MYT1L: variants seen among roughly 807,000 people sequenced by gnomAD.
The protein encoded by MYT1L is myelin transcription factor 1-like protein.
MYT1L carries 12 observed loss-of-function variants against 126.7 expected under a neutral mutation model. The ratio of observed to expected loss-of-function variants is 0.09; its 90% CI spans 0.06 to 0.15. The LOEUF (loss-of-function observed/expected upper bound fraction) is 0.15. Among genes scored for constraint, MYT1L ranks in the 10% least tolerant of loss-of-function variants. MYT1L has a pLI of 1.00. For missense variants in MYT1L, 979 were observed against 1,585.2 expected, an observed-to-expected ratio of 0.62 and a Z score of 6.49; for synonymous variants, 541 against 604.2, an observed-to-expected ratio of 0.90 and a Z score of 1.53.
intron 3 of MYT1L, among the ~76,000 whole-genome samples, chr2:2,139,798 T>C (rs2083676242): frequency 6.6e-6 from 1 of 152,174 alleles, no homozygotes; most frequent in Admixed American, 6.6e-5. Context: ...TCCATGGTTG[T>C]AGCAAACAAA....
At chr2:2,247,826 T>A (rs74373767) in intron 2 of MYT1L, among the ~76,000 whole-genome samples, 2 of 152,134 alleles carry the variant, frequency 1.3e-5, no homozygotes, top group Admixed American at 6.5e-5. Context: ...AATTGGAAAC[T>A]TTCTTGAAAC....
chr2:1,927,351 T>A (rs915947882), intron 9 of MYT1L, among the ~76,000 whole-genome samples: 1 of 152,228 alleles, frequency 6.6e-6, no homozygotes, highest in African/African-American at 2.4e-5. Flanking sequence ...TTGAATTTTA[T>A]CTCTTTTGAG....
At chr2:2,085,310 A>T (rs1395617992) in intron 3 of MYT1L, among the ~76,000 whole-genome samples, 1 of 152,250 alleles carries the variant, frequency 6.6e-6, no homozygotes, top group African/African-American at 2.4e-5. Context: ...CCACTGTCTA[A>T]GCAGTTGAGT....
chr2:2,010,178 T>G (rs1416121047), intron 4 of MYT1L, among the ~76,000 whole-genome samples: 1 of 152,198 alleles, frequency 6.6e-6, no homozygotes, highest in African/African-American at 2.4e-5. Flanking sequence ...TAGATTCTCC[T>G]GCTTCTCCTC....
chr2:2,124,860 G>A (rs2081486832), intron 3 of MYT1L, among the ~76,000 whole-genome samples: 1 of 152,182 alleles, frequency 6.6e-6, no homozygotes, highest in African/African-American at 2.4e-5. Flanking sequence ...GGGCTGCCTA[G>A]AAGCCTCCCC....
chr2:1,890,857 A>G (rs1389224267), intron 15 of MYT1L, among the ~76,000 whole-genome samples: 2 of 152,174 alleles, frequency 1.3e-5, no homozygotes, highest in Admixed American at 6.5e-5. Context: ...ATTATACAGT[A>G]TCATTCTGCC....
intron 23 of MYT1L, among the ~76,000 whole-genome samples, chr2:1,794,106 G>C (rs1179452768): frequency 6.6e-6 from 1 of 152,214 alleles, no homozygotes; most frequent in Non-Finnish European, 1.5e-5. Context: ...GTACACGCAG[G>C]GGGAAGGCCA....
chr2:2,314,279 G>A (rs947859398), intron 1 of MYT1L, among the ~76,000 whole-genome samples: 1 of 152,142 alleles, frequency 6.6e-6, no homozygotes, highest in African/African-American at 2.4e-5. Flanking sequence ...CTCCCCCCAT[G>A]TCACTGTGAA....
intron 3 of MYT1L, among the ~76,000 whole-genome samples, chr2:2,111,337 C>T (rs2079428388): frequency 6.6e-6 from 1 of 152,172 alleles, no homozygotes; most frequent in South Asian, 2.1e-4. Context: ...GTCCTAGGAG[C>T]GTCCTCCCAT....
At chr2:2,031,890 G>T (rs2066330405) in intron 4 of MYT1L, among the ~76,000 whole-genome samples, 1 of 140,242 alleles carries the variant, frequency 7.1e-6, no homozygotes, top group Non-Finnish European at 1.5e-5. Flanking sequence ...CTAGAAGGAG[G>T]GCCTTATACA....
Position 1,811,021 on chromosome 2 carries a change from C to CTTATAACAG in MYT1L, c.3081-1863_3081-1855dup, listed in dbSNP as rs1252077012. Reference sequence around the variant, plus strand: ...GAGGCCTCGTGATGGGATCCGTGCCCTTATAACAGGGACCCAGACAGCTCC... The same window carrying CTTATAACAG: ...GAGGCCTCGTGATGGGATCCGTGCCCTTATAACAGTTATAACAGGGACCCAGACAGCTCC... On this transcript the variant is annotated intron_variant, in intron 21 of 24. Transcript: ENST00000647738. This position sits in a 1 kb window ranked among gnomAD's most constrained non-coding sequence, Gnocchi z 4.4. The CTTATAACAG allele has an allele frequency of 6.6e-6, 1 of 152,142 alleles. No individual in the cohort carries two copies. The highest frequency in any genetic ancestry group is 1.5e-5 in the Non-Finnish European group (1 of 68,034). 9.4% of individuals were successfully genotyped at this position (152,142 alleles called of 1,614,324 possible). A position where few individuals can be genotyped will look rare whatever the true frequency, so the allele number is the denominator to read the frequency against.
At chr2:2,065,704 T>A (rs1198228934) in intron 3 of MYT1L, among the ~76,000 whole-genome samples, 1 of 152,130 alleles carries the variant, frequency 6.6e-6, no homozygotes, top group Admixed American at 6.6e-5. Context: ...CCCATTCCAA[T>A]ATGATCATGT....
chr2:1,964,480 A>T (rs907476850), intron 8 of MYT1L, among the ~76,000 whole-genome samples: 1 of 152,208 alleles, frequency 6.6e-6, no homozygotes. Flanking sequence ...TTCACTGCAA[A>T]CTGCAATAAA....
intron 19 of MYT1L, 123 bp from the exon 20 acceptor site, chr2:1,840,966 T>G (rs535319385): frequency 1.4e-5 from 9 of 647,164 alleles, no homozygotes; most frequent in East Asian, 3.0e-5. Flanking sequence ...TGCAGTGGTG[T>G]GATCTCGGCT....
chr2:2,230,850 C>T (rs2094144245), intron 2 of MYT1L, among the ~76,000 whole-genome samples: 2 of 152,170 alleles, frequency 1.3e-5, no homozygotes, highest in African/African-American at 4.8e-5. Context: ...TGTTCAAATA[C>T]CTCCAAGATC....
At position 1,912,008 on chromosome 2, in the gene MYT1L, C is replaced by A; in HGVS notation, c.1709+12G>T. On this transcript the variant is annotated intron_variant, in intron 12 of 24. Transcript: ENST00000647738. This position sits in a 1 kb window ranked among gnomAD's most constrained non-coding sequence, Gnocchi z 4.3. ...TGCTCCCTCCCACACCAGTGACCCA[C>A]GCGTGGCTTACCTTCGGTGGGAGTT... 2 of 1,585,614 alleles carry A rather than the reference C, an allele frequency of 1.3e-6. No homozygotes were observed. The highest frequency in any genetic ancestry group is 8.6e-7 in the Non-Finnish European group (1 of 1,161,592).
intron 19 of MYT1L, 77 bp downstream of exon 19, chr2:1,851,564 G>C: frequency 7.0e-7 from 1 of 1,426,706 alleles, no homozygotes; most frequent in Non-Finnish European, 9.9e-7. Context: ...GCAAGGCTTG[G>C]AGCCTGACGT....
chr2:1,975,028 C>T (rs1036466035), intron 8 of MYT1L, among the ~76,000 whole-genome samples: 5 of 152,098 alleles, frequency 3.3e-5, no homozygotes, highest in African/African-American at 4.8e-5. Flanking sequence ...ATATTATAAC[C>T]TTACTCCTAC....
rs540192336 is a variant in MYT1L, at chr2:1,970,568, G to GCA, written c.152+8595_152+8596dup. On this transcript the variant is annotated intron_variant, in intron 8 of 24. Coordinates refer to ENST00000647738, the MANE Select transcript of MYT1L (RefSeq NM_001303052.2). ...ATCCCGTGGTCGGCAGAGGCTCCAG[G>GCA]CACACAGGGCAGAGAGCTGGCTCAG... Among the ~76,000 whole-genome samples the GCA allele has an allele frequency of 1.6e-4, 25 of 152,318 alleles. No individual in the cohort carries two copies. The South Asian group carries it at 5.2e-3, about 32-fold the overall frequency.
Sources: gnomAD v4.1 joint callset for allele counts (sites outside exome capture counted in the v4.1 genomes callset) on GRCh38, gnomAD v4.1.1 for gene constraint, Gnocchi (gnomAD v3.1) non-coding constraint, MANE v1.5 for transcripts, NCBI Gene and HGNC (gene_info 2026-07-23, HGNC 2026-07-21) for gene names.